Variants in DLGAP4 observed in about 807,000 individuals in gnomAD.
DLGAP4 encodes disks large-associated protein 4.
Under a neutral mutation model 86.9 loss-of-function variants are expected in DLGAP4, and 18 were observed. That is an observed-to-expected ratio of 0.21 (90% CI 0.14 to 0.31). The LOEUF (loss-of-function observed/expected upper bound fraction) is 0.31, where lower values mean the gene tolerates loss of function less well. Among genes scored for constraint, DLGAP4 ranks in the 10% least tolerant of loss-of-function variants. The pLI, the probability that DLGAP4 is intolerant of heterozygous loss-of-function variation, is 1.00. For synonymous variants in DLGAP4, 548 were observed against 574.3 expected (o/e 0.95, Z 0.65); for missense variants, 1,085 against 1,362.6 (o/e 0.80, Z 3.21).
In DLGAP4 at chr20:36,432,337, C is replaced by A. The variant is rs2033151598; in HGVS notation, c.620C>A (p.Ser207Tyr). 6.2e-7 allele frequency: 1 copy of A among 1,613,628 alleles called. No homozygotes were observed. The highest frequency in any genetic ancestry group is 1.3e-5 in the African/African-American group (1 of 74,954). Residue 207 changes from serine (S) to tyrosine (Y), a missense_variant, in exon 3 of 13, where the codon TCC (serine) becomes TAC (tyrosine). Around this residue, in one of 2 missense-constraint regions of DLGAP4, gnomAD observed 1,082 missense variants for 1,344.1 expected, o/e 0.81. Transcript: ENST00000339266. The surrounding 1 kb of genome is among the most constrained non-coding windows in gnomAD (Gnocchi z 6.5). ...SRSNISGWWS[S>Y]DDNLDGEAGA... is the part of the protein sequence containing the mutation. ...TCCAACATCTCAGGCTGGTGGAGCT[C>A]CGATGACAACTTGGACGGCGAGGCC...
At chr20:36,413,477 G>A (rs1464615278) in intron 2 of DLGAP4, among the ~76,000 whole-genome samples, 3 of 140,614 alleles carry the variant, frequency 2.1e-5, no homozygotes, top group Non-Finnish European at 4.6e-5. Flanking sequence ...GAGTGCAGTG[G>A]CATGATCTCA....
rs147778670 is a variant in DLGAP4, at chr20:36,375,164, G to A, written c.-73+7889G>A. ...GGGACATGGACCCAGCCTCTCCCCC[G>A]CCTGTCCCTTCTGTGGCCCTGCTCC... On this transcript the variant is annotated intron_variant, in intron 2 of 12. Transcript: ENST00000339266. Among the ~76,000 whole-genome samples the A allele has an allele frequency of 5.1e-3, 771 of 152,260 alleles. 8 individuals carry two copies. The highest frequency in any genetic ancestry group is 0.017 in the African/African-American group (690 of 41,574).
chr20:36,528,223 T>C lies in DLGAP4; in HGVS notation c.*1192T>C, dbSNP rs1421679525. 1 of 152,282 alleles carries C rather than the reference T, an allele frequency of 6.6e-6. No homozygotes were observed. The highest frequency in any genetic ancestry group is 2.4e-5 in the African/African-American group (1 of 41,252). 9.4% of individuals were successfully genotyped at this position (152,282 alleles called of 1,614,324 possible). ...AGCCTCTGAGTTTTCTGTTCTATTT[T>C]TTTTTTAACCCCAATTATCCTTCTC... On this transcript the variant is annotated 3_prime_UTR_variant, in exon 13 of 13. Transcript: ENST00000339266.
intron 1 of DLGAP4, among the ~76,000 whole-genome samples, chr20:36,346,772 C>A (rs2029954930): frequency 6.6e-6 from 1 of 152,104 alleles, no homozygotes; most frequent in South Asian, 2.1e-4. Flanking sequence ...CCAGTTCTTT[C>A]CCATCACCTC....
intron 2 of DLGAP4, among the ~76,000 whole-genome samples, chr20:36,409,644 G>A (rs2032432382): frequency 6.7e-6 from 1 of 150,104 alleles, no homozygotes; most frequent in African/African-American, 2.5e-5. Flanking sequence ...GAACCCAGGA[G>A]ACAGAGGTTG....
At chr20:36,512,330 G>C (rs954045369) in intron 10 of DLGAP4, among the ~76,000 whole-genome samples, 2 of 152,030 alleles carry the variant, frequency 1.3e-5, no homozygotes, top group Non-Finnish European at 2.9e-5. Flanking sequence ...GATTACAGGC[G>C]TGAGCCACCA....
chr20:36,465,171 A>G (rs1445622865), intron 7 of DLGAP4: 1 of 63,202 alleles, frequency 1.6e-5, no homozygotes, highest in Non-Finnish European at 3.3e-5. Context: ...CATCCCCCCC[A>G]CCCCCGCATG....
chr20:36,378,786 A>G (rs2031258265), intron 2 of DLGAP4, among the ~76,000 whole-genome samples: 2 of 151,960 alleles, frequency 1.3e-5, no homozygotes, highest in Non-Finnish European at 2.9e-5. Context: ...GAGACGCTTG[A>G]GTGTCAGCCA....
chr20:36,396,481 C>A (rs2031985215), intron 2 of DLGAP4, among the ~76,000 whole-genome samples: 1 of 137,224 alleles, frequency 7.3e-6, no homozygotes, highest in Admixed American at 7.3e-5. Flanking sequence ...ACACATCACA[C>A]ACACCACACA....
Position 36,376,787 on chromosome 20 carries a change from G to A in DLGAP4, c.-73+9512G>A, listed in dbSNP as rs577558629. On this transcript the variant is annotated intron_variant, in intron 2 of 12. Transcript: ENST00000339266. ...CCTGATGAGGCCTCCAGGGTCCCGC[G>A]TCTCTTCCCCTTGTGGAGCCTCAGT... is the stretch of plus-strand genomic sequence containing the variant. Among the ~76,000 whole-genome samples the A allele has an allele frequency of 3.3e-5, 5 of 152,292 alleles. No individual in the cohort carries two copies. In the South Asian group the frequency reaches 6.2e-4, roughly 19 times the overall value.
chr20:36,384,990 GC>G (rs1293208150), intron 2 of DLGAP4, among the ~76,000 whole-genome samples: 1 of 152,150 alleles, frequency 6.6e-6, no homozygotes, highest in Admixed American at 6.5e-5. Flanking sequence ...GTTGAGAAAG[GC>G]CTTGAGAACC....
At chr20:36,497,136 G>A in intron 8 of DLGAP4, 70 bp downstream of exon 8, 2 of 1,519,894 alleles carry the variant, frequency 1.3e-6, no homozygotes, top group South Asian at 1.3e-5. Context: ...ATTACATCTG[G>A]TAGAGGCCCA....
rs954640904 is a variant in DLGAP4 at position 36,499,493 on chromosome 20, C to T, written c.2011-95C>T. On this transcript the variant is annotated intron_variant, in intron 8 of 12. Transcript: ENST00000339266. ...TGTCTGTCCACACGTCCGTTTGCGT[C>T]GTCCCACTAATGTGAATTTCAGCAG... 1.8e-5 allele frequency: 25 copies of T among 1,417,782 alleles called. No homozygotes were observed. The East Asian group carries it at 2.9e-4, about 16-fold the overall frequency. 87.8% of individuals were successfully genotyped at this position (1,417,782 alleles called of 1,614,324 possible).
chr20:36,372,453 C>A (rs2030979656), intron 2 of DLGAP4, among the ~76,000 whole-genome samples: 1 of 152,136 alleles, frequency 6.6e-6, no homozygotes, highest in South Asian at 2.1e-4. Context: ...CCCATCACCT[C>A]CCTCACATCT....
intron 1 of DLGAP4, among the ~76,000 whole-genome samples, chr20:36,359,779 G>A (rs904272822): frequency 1.6e-4 from 24 of 152,186 alleles, no homozygotes; most frequent in Non-Finnish European, 2.6e-4. Context: ...TGCCGGAGGG[G>A]ACGCCTCCCA....
intron 2 of DLGAP4, among the ~76,000 whole-genome samples, chr20:36,384,472 A>G (rs2031523391): frequency 6.6e-6 from 1 of 152,208 alleles, no homozygotes; most frequent in African/African-American, 2.4e-5. Context: ...CTAAGCAGCA[A>G]CCTACAGGGG....
Position 36,306,380 on chromosome 20 carries a change from T to A in DLGAP4, c.-436T>A, listed in dbSNP as rs2065002459. 6.7e-6 allele frequency: 1 copy of A among 149,180 alleles called. No individual in the cohort carries two copies. Among genetic ancestry groups the A allele is most frequent in the South Asian group, 1.9e-4 (1 of 5,354 alleles). 9.2% of individuals were successfully genotyped at this position (149,180 alleles called of 1,614,324 possible). A position where few individuals can be genotyped will look rare whatever the true frequency, so the allele number is the denominator to read the frequency against. On this transcript the variant is annotated 5_prime_UTR_variant, in exon 1 of 13. The change abolishes an upstream ATG in the 5' untranslated region. Coordinates refer to ENST00000339266, the MANE Select transcript of DLGAP4 (RefSeq NM_001365621.2). The surrounding 1 kb of genome is among the most constrained non-coding windows in gnomAD (Gnocchi z 4.9). ...CGCCGCGCCGGCCGGAGGAGAGGCA[T>A]GGGGCGCCCGCGGGCCGGAGCCGGG...
intron 1 of DLGAP4, among the ~76,000 whole-genome samples, chr20:36,315,767 A>G (rs920085206): frequency 8.5e-5 from 13 of 152,092 alleles, no homozygotes; most frequent in African/African-American, 3.1e-4. Flanking sequence ...GGGCAGACCT[A>G]CAATGCTCTC....
At chr20:36,434,984 G>A (rs1045632189) in intron 3 of DLGAP4, among the ~76,000 whole-genome samples, 35 of 152,142 alleles carry the variant, frequency 2.3e-4, no homozygotes, top group Admixed American at 2.3e-3. Context: ...TACACGTTGA[G>A]ATGTGTGTCC....
Sources: gnomAD v4.1 joint callset for allele counts (sites outside exome capture counted in the v4.1 genomes callset) on GRCh38, gnomAD v4.1.1 for gene constraint, gnomAD v4.1.1 regional missense constraint, Gnocchi (gnomAD v3.1) non-coding constraint, MANE v1.5 for transcripts, NCBI Gene and HGNC (gene_info 2026-07-23, HGNC 2026-07-21) for gene names.